The following KCNH8 variants were observed in gnomAD, a reference collection of about 807,000 sequenced individuals.
KCNH8 encodes voltage-gated delayed rectifier potassium channel KCNH8.
In KCNH8, 70 loss-of-function variants were observed where a neutral mutation model predicts 103.6. That is an observed-to-expected ratio of 0.68 (90% CI 0.56 to 0.82). KCNH8 has a LOEUF of 0.82. Ranked by LOEUF, KCNH8 falls within the 40% of genes least tolerant of loss-of-function variation. KCNH8 has a pLI of 0.00. For missense variants in KCNH8, 1,217 were observed against 1,329.9 expected (o/e 0.92, Z 1.32); for synonymous variants, 498 against 489.4 (o/e 1.02, Z -0.23).
At chr3:19,224,578 T>TG (rs1396913793) in intron 1 of KCNH8, among the ~76,000 whole-genome samples, 6 of 148,742 alleles carry the variant, frequency 4.0e-5, no homozygotes, top group South Asian at 4.2e-4. Context: ...TTTTTTTTTT[T>TG]GAGAGAGGCT....
chr3:19,421,233 G>T (rs1471099475), intron 7 of KCNH8, among the ~76,000 whole-genome samples: 2 of 152,002 alleles, frequency 1.3e-5, no homozygotes, highest in Non-Finnish European at 2.9e-5. Context: ...ACTTTCAGAG[G>T]TATAAACTGG....
intron 1 of KCNH8, among the ~76,000 whole-genome samples, chr3:19,164,183 C>T (rs1043949929): frequency 2.6e-5 from 4 of 152,108 alleles, no homozygotes; most frequent in Non-Finnish European, 4.4e-5. Flanking sequence ...CCTGTCATTG[C>T]TCCTAGACAT....
chr3:19,322,767 G>A, intron 3 of KCNH8, among the ~76,000 whole-genome samples: 1 of 152,118 alleles, frequency 6.6e-6, no homozygotes, highest in Non-Finnish European at 1.5e-5. Flanking sequence ...AGCTTTCCTT[G>A]ATTATCCCCT....
At chr3:19,469,712 G>A (rs748211618) in intron 11 of KCNH8, among the ~76,000 whole-genome samples, 19 of 152,196 alleles carry the variant, frequency 1.2e-4, no homozygotes, top group African/African-American at 1.9e-4. Flanking sequence ...AGCATCTCCC[G>A]AGCCTAGTTT....
intron 3 of KCNH8, among the ~76,000 whole-genome samples, chr3:19,295,923 G>A (rs2064991722): frequency 1.3e-5 from 2 of 152,234 alleles, no homozygotes; most frequent in South Asian, 4.1e-4. Context: ...GGGATTTTGA[G>A]TCTAGTTTCT....
Position 19,412,927 on chromosome 3 carries a change from T to G in KCNH8, c.1177+17616T>G, listed in dbSNP as rs370830438. ...GGAACACGTTGGTGGCAATGTAAAC[T>G]AGCTTAGCCACTGTGGAAAGCAGTT... is the stretch of plus-strand genomic sequence containing the variant. On this transcript the variant is annotated intron_variant, in intron 7 of 15. Transcript: ENST00000328405. Among the ~76,000 whole-genome samples, 613 of 152,130 alleles carry G rather than the reference T, an allele frequency of 4.0e-3. 5 individuals carry two copies. Among genetic ancestry groups the G allele is most frequent in the Middle Eastern group, 0.017 (5 of 294 alleles).
chr3:19,237,756 C>A (rs1334614409), intron 1 of KCNH8, among the ~76,000 whole-genome samples: 1 of 152,072 alleles, frequency 6.6e-6, no homozygotes, highest in Non-Finnish European at 1.5e-5. Flanking sequence ...CTGAGGGACC[C>A]AGAACAGAAT....
At chr3:19,297,020 A>G (rs529908553) in intron 3 of KCNH8, among the ~76,000 whole-genome samples, 31 of 152,316 alleles carry the variant, frequency 2.0e-4, no homozygotes, top group African/African-American at 6.7e-4. Flanking sequence ...GTGGAAAAAC[A>G]TACATATCCA....
intron 15 of KCNH8, among the ~76,000 whole-genome samples, chr3:19,528,718 A>G (rs1424352217): frequency 2.6e-5 from 4 of 152,096 alleles, no homozygotes; most frequent in Non-Finnish European, 1.5e-5. Context: ...ATAAAATAAT[A>G]TCAGAATCAA....
Position 19,503,693 on chromosome 3 carries a change from C to A in KCNH8, c.2041-6670C>A, listed in dbSNP as rs904649135. Among the ~76,000 whole-genome samples the A allele has an allele frequency of 8.5e-4, 128 of 151,248 alleles. 1 individual carries two copies. The highest frequency in any genetic ancestry group is 8.5e-4 in the Non-Finnish European group (58 of 67,922). On this transcript the variant is annotated intron_variant, in intron 11 of 15. Transcript: ENST00000328405. ...TATCTCAAGAACAAAAAACCAAACA[C>A]CGCATATTCTCACTCATAGGTGGGA...
chr3:19,155,872 C>A (rs1173966881), intron 1 of KCNH8, among the ~76,000 whole-genome samples: 1 of 152,144 alleles, frequency 6.6e-6, no homozygotes, highest in African/African-American at 2.4e-5. Flanking sequence ...AACACTCGAC[C>A]ATGAACTCCT....
chr3:19,324,449 G>A (rs2065393489), intron 3 of KCNH8, among the ~76,000 whole-genome samples: 1 of 152,072 alleles, frequency 6.6e-6, no homozygotes, highest in Non-Finnish European at 1.5e-5. Flanking sequence ...GAACAGCAGG[G>A]GGAAAACCAC....
intron 1 of KCNH8, among the ~76,000 whole-genome samples, chr3:19,202,081 G>A (rs1045847717): frequency 1.8e-4 from 27 of 152,078 alleles, no homozygotes; most frequent in Non-Finnish European, 3.4e-4. Flanking sequence ...CACCAAATTC[G>A]TTGAGTTAGG....
chr3:19,513,046 G>A lies in KCNH8; in HGVS notation c.2156G>A (p.Gly719Glu), dbSNP rs1310068327. 6.2e-7 allele frequency: 1 copy of A among 1,613,412 alleles called. No individual in the cohort carries two copies. The highest frequency in any genetic ancestry group is 2.2e-5 in the East Asian group (1 of 44,820). The change falls in exon 13 of 16, where the codon GGG becomes GAG. Residue 719 changes from glycine to glutamate, a missense_variant. Around this residue, in one of 3 missense-constraint regions of KCNH8, gnomAD observed 558 missense variants for 495.8 expected, o/e 1.13. Transcript: ENST00000328405. ...GAAGATGAGGAAGAGGAGGAGGAGGGGGAGGAAGAGGAGGCAGTCTCCCTC... is the reference window on the plus strand; with the variant it reads ...GAAGATGAGGAAGAGGAGGAGGAGGAGGAGGAAGAGGAGGCAGTCTCCCTC... ...IVEDEEEEEEGEEEEAVSLSP... is the reference protein window; with the variant it reads ...IVEDEEEEEEEEEEEAVSLSP...
chr3:19,378,965 T>C (rs2066250572), intron 5 of KCNH8, among the ~76,000 whole-genome samples: 1 of 152,120 alleles, frequency 6.6e-6, no homozygotes, highest in African/African-American at 2.4e-5. Flanking sequence ...TGTTCCCAAG[T>C]AGTGAGGTCT....
intron 3 of KCNH8, among the ~76,000 whole-genome samples, chr3:19,302,833 C>T (rs1479307230): frequency 1.3e-5 from 2 of 152,296 alleles, no homozygotes; most frequent in East Asian, 1.9e-4. Flanking sequence ...CTCGTCACTA[C>T]TGAGTTTAAT....
intron 1 of KCNH8, among the ~76,000 whole-genome samples, chr3:19,169,289 C>T (rs1369786901): frequency 7.2e-6 from 1 of 139,098 alleles, no homozygotes; most frequent in Non-Finnish European, 1.5e-5. Flanking sequence ...GACGGAGTCT[C>T]GCTCTTTCGC....
At chr3:19,301,377 A>G (rs900738444) in intron 3 of KCNH8, among the ~76,000 whole-genome samples, 1 of 148,832 alleles carries the variant, frequency 6.7e-6, no homozygotes. Flanking sequence ...AATATGTAAC[A>G]TTTATTTACA....
rs1553620146 is a variant in KCNH8 at position 19,170,810 on chromosome 3, A to ATAT, written c.76+22016_76+22017insATT. Among the ~76,000 whole-genome samples the ATAT allele has an allele frequency of 1.1e-3, 81 of 75,330 alleles. No individual in the cohort carries two copies. The South Asian group carries it at 0.02, about 18-fold the overall frequency. 49.4% of individuals were successfully genotyped at this position (75,330 alleles called of 152,430 possible). A position where few individuals can be genotyped will look rare whatever the true frequency, so the allele number is the denominator to read the frequency against. On this transcript the variant is annotated intron_variant, in intron 1 of 15. Transcript: ENST00000328405. ...CACACATATATATATATATATATAT[A>ATAT]TTTTTTTTTTTTTTTTTGAGACGAA... is the stretch of plus-strand genomic sequence containing the variant.
Sources: allele counts gnomAD v4.1 joint callset (sites outside exome capture counted in the v4.1 genomes callset), GRCh38; gene constraint gnomAD v4.1.1; regional missense constraint gnomAD v4.1.1; transcripts MANE v1.5; gene names NCBI Gene and HGNC (gene_info 2026-07-23, HGNC 2026-07-21).